The following PTPN1 variants were observed in gnomAD, a reference collection of about 807,000 sequenced individuals.
PTPN1 encodes the protein protein tyrosine phosphatase non-receptor type 1, also known as tyrosine-protein phosphatase non-receptor type 1.
In PTPN1, 12 loss-of-function variants were observed where a neutral mutation model predicts 59.9. The ratio of observed to expected loss-of-function variants is 0.20; its 90% CI spans 0.13 to 0.32. The LOEUF (loss-of-function observed/expected upper bound fraction) is 0.32. Among genes scored for constraint, PTPN1 ranks in the 10% least tolerant of loss-of-function variants. The pLI is 1.00. For missense variants in PTPN1, 356 were observed against 549.2 expected (o/e 0.65, Z 3.52); for synonymous variants, 178 against 203.6 (o/e 0.87, Z 1.07).
At chr20:50,554,669 T>G (rs1012117590) in intron 1 of PTPN1, among the ~76,000 whole-genome samples, 5 of 152,112 alleles carry the variant, frequency 3.3e-5, no homozygotes, top group African/African-American at 1.2e-4. Context: ...AAATGTATGA[T>G]AATAGCATAA....
intron 2 of PTPN1, among the ~76,000 whole-genome samples, chr20:50,561,793 T>G (rs1284845566): frequency 6.6e-6 from 1 of 152,172 alleles, no homozygotes; most frequent in East Asian, 1.9e-4. Context: ...AGCAGCAGCG[T>G]CATTAGGGCA....
chr20:50,541,519 G>A (rs1156601282), intron 1 of PTPN1, among the ~76,000 whole-genome samples: 2 of 151,992 alleles, frequency 1.3e-5, no homozygotes, highest in Non-Finnish European at 2.9e-5. Context: ...GTGAACAGTG[G>A]CAAGATGTTT....
intron 1 of PTPN1, among the ~76,000 whole-genome samples, chr20:50,547,928 T>C (rs917734422): frequency 6.6e-6 from 1 of 152,208 alleles, no homozygotes; most frequent in African/African-American, 2.4e-5. Context: ...GAGTTTCTTA[T>C]CTTAAATGGC....
chr20:50,572,324 G>A (rs1367379162), intron 4 of PTPN1: 3 of 152,158 alleles, frequency 2.0e-5, no homozygotes. Context: ...GTGATCTTGT[G>A]CCTTTTAAAA....
intron 1 of PTPN1, among the ~76,000 whole-genome samples, chr20:50,560,392 T>G (rs2082746611): frequency 6.6e-6 from 1 of 152,190 alleles, no homozygotes; most frequent in African/African-American, 2.4e-5. Flanking sequence ...GCTCTACCTT[T>G]ATCCCCTGCA....
At chr20:50,516,890 T>G (rs975929813) in intron 1 of PTPN1, among the ~76,000 whole-genome samples, 1 of 152,244 alleles carries the variant, frequency 6.6e-6, no homozygotes, top group Non-Finnish European at 1.5e-5. Context: ...AAGTTTCATT[T>G]GAATAATATG....
intron 2 of PTPN1, among the ~76,000 whole-genome samples, chr20:50,562,518 T>C (rs948169483): frequency 6.6e-6 from 1 of 152,178 alleles, no homozygotes; most frequent in African/African-American, 2.4e-5. Flanking sequence ...TTCTCTCTCA[T>C]AGGAGTGTGT....
At chr20:50,545,960 C>T (rs2082673817) in intron 1 of PTPN1, among the ~76,000 whole-genome samples, 1 of 151,726 alleles carries the variant, frequency 6.6e-6, no homozygotes, top group Non-Finnish European at 1.5e-5. Context: ...ATCACCTGAG[C>T]CCTAGAAGTC....
At chr20:50,543,713 G>T (rs1319423612) in intron 1 of PTPN1, among the ~76,000 whole-genome samples, 6 of 152,246 alleles carry the variant, frequency 3.9e-5, no homozygotes, top group African/African-American at 1.2e-4. Context: ...GACTCTGATG[G>T]TTTAATGTTA....
At chr20:50,533,527 A>G (rs1308618602) in intron 1 of PTPN1, among the ~76,000 whole-genome samples, 12 of 150,300 alleles carry the variant, frequency 8.0e-5, no homozygotes, top group Non-Finnish European at 3.0e-5. Context: ...AAGAGCTTTC[A>G]ATTGCTAGCC....
At chr20:50,563,503 C>A (rs2082763173) in intron 2 of PTPN1, among the ~76,000 whole-genome samples, 1 of 152,236 alleles carries the variant, frequency 6.6e-6, no homozygotes, top group African/African-American at 2.4e-5. Context: ...TTTGAACCCA[C>A]TCACATAACC....
chr20:50,545,828 C>T (rs2122757213), intron 1 of PTPN1, among the ~76,000 whole-genome samples: 1 of 152,088 alleles, frequency 6.6e-6, no homozygotes, highest in South Asian at 2.1e-4. Flanking sequence ...CCAGCCCAGG[C>T]AGCATAGCGA....
intron 1 of PTPN1, among the ~76,000 whole-genome samples, chr20:50,528,749 A>G (rs973951327): frequency 3.8e-4 from 57 of 150,058 alleles, no homozygotes; most frequent in Non-Finnish European, 5.3e-4. Context: ...AAAAAAAAAA[A>G]AAGAAAAAAG....
intron 1 of PTPN1, among the ~76,000 whole-genome samples, chr20:50,552,958 AT>A: frequency 6.6e-6 from 1 of 152,070 alleles, no homozygotes; most frequent in East Asian, 1.9e-4. Flanking sequence ...CCTACTTATT[AT>A]AAAAAAATAA....
chr20:50,560,335 TGGAAGGAGCTTGG>T (rs2082746379), intron 1 of PTPN1, among the ~76,000 whole-genome samples: 1 of 152,134 alleles, frequency 6.6e-6, no homozygotes, highest in Non-Finnish European at 1.5e-5. Context: ...CTGAGGAGCA[TGGAAGGAGCTTGG>T]GGAATGAGAT....
chr20:50,534,654 A>G (rs1479383840), intron 1 of PTPN1, among the ~76,000 whole-genome samples: 1 of 152,214 alleles, frequency 6.6e-6, no homozygotes, highest in Non-Finnish European at 1.5e-5. Context: ...CTCTAACTCA[A>G]AACCTAAAGT....
chr20:50,544,284 G>T lies in PTPN1; in HGVS notation c.64-17079G>T, dbSNP rs1006301852. 2.0e-5 allele frequency among the ~76,000 whole-genome samples: 3 copies of T among 152,178 alleles called. No homozygotes were observed. In the South Asian group the frequency reaches 6.2e-4, roughly 32 times the overall value. On this transcript the variant is annotated intron_variant, in intron 1 of 9. Coordinates refer to ENST00000371621, the MANE Select transcript of PTPN1 (RefSeq NM_002827.4). ...TCCCACCTCAGCGTCCCGAGTAGCTGGGACCACAGACATGTACCACCACAC... is the reference window on the plus strand; with the variant it reads ...TCCCACCTCAGCGTCCCGAGTAGCTTGGACCACAGACATGTACCACCACAC...
At position 50,582,576 on chromosome 20, in the gene PTPN1, C is replaced by T. The variant is rs2082874257; in HGVS notation, c.1285-116C>T. On this transcript the variant is annotated intron_variant, in intron 9 of 9. Transcript: ENST00000371621. This position sits in a 1 kb window ranked among gnomAD's most constrained non-coding sequence, Gnocchi z 4.2. ...CTACTGTAAAAAATAAAACCAAAAC[C>T]CCCTTTGCTCCCTCGGAGGTTGAAG... 6.8e-6 allele frequency: 7 copies of T among 1,025,790 alleles called. No individual in the cohort carries two copies. Among genetic ancestry groups the T allele is most frequent in the Non-Finnish European group, 1.0e-5 (7 of 691,852 alleles). 63.5% of individuals were successfully genotyped at this position (1,025,790 alleles called of 1,614,324 possible).
chr20:50,546,299 A>G lies in PTPN1; in HGVS notation c.64-15064A>G, dbSNP rs576341830. Among the ~76,000 whole-genome samples the G allele has an allele frequency of 9.2e-5, 14 of 152,294 alleles. 1 individual carries two copies. The East Asian group carries it at 2.5e-3, about 27-fold the overall frequency. Reference sequence around the variant, plus strand: ...TTGGATGAATTGAAGGGATTAATGCATTGAATCTGAACCTTGCTTTCTTAA... The same window carrying G: ...TTGGATGAATTGAAGGGATTAATGCGTTGAATCTGAACCTTGCTTTCTTAA... On this transcript the variant is annotated intron_variant, in intron 1 of 9. Coordinates refer to ENST00000371621, the MANE Select transcript of PTPN1 (RefSeq NM_002827.4).
Sources: allele counts gnomAD v4.1 joint callset (sites outside exome capture counted in the v4.1 genomes callset), GRCh38; gene constraint gnomAD v4.1.1; non-coding constraint Gnocchi (gnomAD v3.1); transcripts MANE v1.5; gene names NCBI Gene and HGNC (gene_info 2026-07-23, HGNC 2026-07-21).